Variants in ANO10 observed in about 807,000 individuals in gnomAD.
The protein encoded by ANO10 is anoctamin-10.
Under a neutral mutation model 74.7 loss-of-function variants are expected in ANO10, and 77 were observed. The ratio of observed to expected loss-of-function variants is 1.03; its 90% confidence interval spans 0.86 to 1.25. The LOEUF (loss-of-function observed/expected upper bound fraction) is 1.25. Ranked by LOEUF, ANO10 falls within the 50% of genes most tolerant of loss-of-function variation. The pLI, the probability that ANO10 is intolerant of heterozygous loss-of-function variation, is 0.00. For missense variants in ANO10, 721 were observed against 778.1 expected (o/e 0.93, Z 0.87); for synonymous variants, 279 against 284.9 (o/e 0.98, Z 0.21).
chr3:43,382,990 T>C (rs1163320044), intron 12 of ANO10, among the ~76,000 whole-genome samples: 1 of 152,028 alleles, frequency 6.6e-6, no homozygotes, highest in South Asian at 2.1e-4. Context: ...TTCCAAAAGA[T>C]AGAGAAGGAG....
At chr3:43,480,704 T>C (rs189860083) in intron 11 of ANO10, among the ~76,000 whole-genome samples, 3 of 152,314 alleles carry the variant, frequency 2.0e-5, no homozygotes, top group East Asian at 3.9e-4. Flanking sequence ...GCAGCCAGTC[T>C]GGAGGTGAAC....
intron 1 of ANO10, among the ~76,000 whole-genome samples, chr3:43,668,919 A>C (rs1191050117): frequency 3.3e-5 from 5 of 152,158 alleles, no homozygotes; most frequent in Admixed American, 3.3e-4. Context: ...TTACATTTAC[A>C]TAATTGCATT....
At chr3:43,546,295 A>C (rs1559678369) in intron 11 of ANO10, among the ~76,000 whole-genome samples, 1 of 152,244 alleles carries the variant, frequency 6.6e-6, no homozygotes, top group African/African-American at 2.4e-5. Flanking sequence ...TGAAACAGCC[A>C]AAACAATCTT....
intron 2 of ANO10, among the ~76,000 whole-genome samples, chr3:43,602,722 A>G (rs971138961): frequency 6.6e-6 from 1 of 152,198 alleles, no homozygotes; most frequent in African/African-American, 2.4e-5. Context: ...CTTTCATTAC[A>G]TGTTCATGTT....
intron 1 of ANO10, among the ~76,000 whole-genome samples, chr3:43,639,612 A>C (rs2083650889): frequency 6.6e-6 from 1 of 152,052 alleles, no homozygotes. Flanking sequence ...AAATACAAAA[A>C]TTAGCTGGGC....
chr3:43,457,482 A>G (rs1008014252), intron 11 of ANO10, among the ~76,000 whole-genome samples: 2 of 152,160 alleles, frequency 1.3e-5, no homozygotes, highest in African/African-American at 4.8e-5. Flanking sequence ...GGAACTATTG[A>G]AACACTTATA....
At position 43,579,161 on chromosome 3, in the gene ANO10, T is replaced by C. The variant is rs1358503810; in HGVS notation, c.592+1192A>G. On this transcript the variant is annotated intron_variant, in intron 5 of 12. Coordinates refer to ENST00000292246, the MANE Select transcript of ANO10 (RefSeq NM_018075.5). The stretch of plus-strand genomic sequence containing the variant: ...TAAAAAACATAACCAGACTAAAATA[T>C]TTGAACATCCATATTGACAAAATTT... 2.0e-5 allele frequency among the ~76,000 whole-genome samples: 3 copies of C among 152,062 alleles called. No homozygotes were observed. The East Asian group carries it at 5.8e-4, about 29-fold the overall frequency.
At chr3:43,482,635 C>A (rs1345265730) in intron 11 of ANO10, among the ~76,000 whole-genome samples, 2 of 152,202 alleles carry the variant, frequency 1.3e-5, no homozygotes, top group African/African-American at 4.8e-5. Flanking sequence ...TGAGTTCCTA[C>A]TTCTACTTCT....
At chr3:43,629,802 G>A (rs2083528441) in intron 1 of ANO10, among the ~76,000 whole-genome samples, 1 of 152,192 alleles carries the variant, frequency 6.6e-6, no homozygotes, top group Non-Finnish European at 1.5e-5. Flanking sequence ...ATATTCTTGG[G>A]TTTGAGATGC....
chr3:43,654,605 TAACACAACCAAACCC>T (rs1325091160), intron 1 of ANO10, among the ~76,000 whole-genome samples: 2 of 152,080 alleles, frequency 1.3e-5, no homozygotes, highest in Non-Finnish European at 2.9e-5. Flanking sequence ...AGAGAACTAG[TAACACAACCAAACCC>T]AGTTTGGTGA....
At chr3:43,475,888 C>T (rs2076047561) in intron 11 of ANO10, among the ~76,000 whole-genome samples, 1 of 152,114 alleles carries the variant, frequency 6.6e-6, no homozygotes, top group African/African-American at 2.4e-5. Context: ...AGGTGTGAAC[C>T]ACCACACCTG....
chr3:43,473,652 T>C (rs374118429), intron 11 of ANO10, among the ~76,000 whole-genome samples: 2 of 152,258 alleles, frequency 1.3e-5, no homozygotes, highest in East Asian at 3.8e-4. Context: ...TTGATTTAAC[T>C]GAAGGTTTCT....
In ANO10 at chr3:43,600,415, G is replaced by C; in HGVS notation, c.306C>G (p.Tyr102Ter). The change falls in exon 3 of 13, where the codon TAC (tyrosine) becomes TAG (stop). Residue 102 changes from tyrosine (Y) to a stop codon, truncating the protein, a stop_gained. Coordinates refer to ENST00000292246, the MANE Select transcript of ANO10 (RefSeq NM_018075.5). LOFTEE classifies it high-confidence loss of function. ...CNDNTMRAFT[Y>*]RTRQNFKGFD... ...AACCTTTGAAGTTCTGTCTGGTTCT[G>C]TATGTGAAGGCTCTCATGGTGTTAT... 1 of 1,614,074 alleles carries C rather than the reference G, an allele frequency of 6.2e-7. No homozygotes were observed. The highest frequency in any genetic ancestry group is 8.5e-7 in the Non-Finnish European group (1 of 1,179,972).
chr3:43,412,457 T>A (rs76177257), intron 12 of ANO10, among the ~76,000 whole-genome samples: 1 of 152,312 alleles, frequency 6.6e-6, no homozygotes, highest in Non-Finnish European at 1.5e-5. Flanking sequence ...CACCGTTGCC[T>A]GCACTGCACT....
chr3:43,388,285 TA>T (rs1389436771), intron 12 of ANO10, among the ~76,000 whole-genome samples: 3 of 151,960 alleles, frequency 2.0e-5, no homozygotes, highest in Non-Finnish European at 4.4e-5. Flanking sequence ...TGGGCTGAGA[TA>T]GGGTTTTGAG....
intron 4 of ANO10, among the ~76,000 whole-genome samples, chr3:43,591,974 C>T (rs2081792258): frequency 6.6e-6 from 1 of 152,234 alleles, no homozygotes; most frequent in African/African-American, 2.4e-5. Context: ...TCAGAGGGTC[C>T]CACGCCCACG....
chr3:43,486,362 A>T (rs2076489984), intron 11 of ANO10, among the ~76,000 whole-genome samples: 1 of 151,954 alleles, frequency 6.6e-6, no homozygotes, highest in East Asian at 1.9e-4. Context: ...TGGTAGCTTG[A>T]TGGGGATGGC....
intron 12 of ANO10, among the ~76,000 whole-genome samples, chr3:43,404,991 A>C (rs536926178): frequency 1.2e-3 from 182 of 152,328 alleles, no homozygotes; most frequent in Middle Eastern, 3.4e-3. Context: ...TATACATGAA[A>C]CATGATGAAT....
chr3:43,492,757 G>C (rs2076771511), intron 11 of ANO10, among the ~76,000 whole-genome samples: 1 of 152,114 alleles, frequency 6.6e-6, no homozygotes, highest in Non-Finnish European at 1.5e-5. Flanking sequence ...ATGCCAGTTA[G>C]AATGGTGGTC....
Sources: allele counts gnomAD v4.1 joint callset (sites outside exome capture counted in the v4.1 genomes callset), GRCh38; gene constraint gnomAD v4.1.1; transcripts MANE v1.5; gene names NCBI Gene and HGNC (gene_info 2026-07-23, HGNC 2026-07-21).